Variants in FYN observed in about 807,000 individuals in gnomAD.
FYN encodes the protein FYN proto-oncogene, Src family tyrosine kinase.
In FYN, 10 loss-of-function variants were observed where a neutral mutation model predicts 70.2. That is an observed-to-expected ratio of 0.14 (90% CI 0.09 to 0.24). The LOEUF (loss-of-function observed/expected upper bound fraction) is 0.24, where lower values mean the gene tolerates loss of function less well. FYN is among the 10% of genes least tolerant of loss of function. The probability of loss-of-function intolerance (pLI) is 1.00; values close to 1 mark genes in which losing one functional copy is unlikely to be tolerated. For missense variants in FYN, 319 were observed against 673.1 expected, an observed-to-expected ratio of 0.47 and a Z score of 5.82; for synonymous variants, 236 against 248.6, an observed-to-expected ratio of 0.95 and a Z score of 0.48.
At chr6:111,699,757 C>A in intron 9 of FYN, 2 of 1,272,064 alleles carry the variant, frequency 1.6e-6, no homozygotes, top group South Asian at 1.5e-5. Context: ...GTGACTTGCC[C>A]GTTAGGATGA....
intron 1 of FYN, among the ~76,000 whole-genome samples, chr6:111,855,212 C>A (rs1275329920): frequency 6.6e-6 from 1 of 152,030 alleles, no homozygotes; most frequent in Admixed American, 6.6e-5. Context: ...TCATTTATCT[C>A]ATGGGATCAA....
chr6:111,668,041 C>T (rs1798089801), intron 13 of FYN, among the ~76,000 whole-genome samples: 1 of 152,362 alleles, frequency 6.6e-6, no homozygotes, highest in East Asian at 1.9e-4. Context: ...GTCTGAGGCT[C>T]CCCTTGCTTC....
chr6:111,782,490 A>G (rs1771212424), intron 2 of FYN, among the ~76,000 whole-genome samples: 1 of 152,218 alleles, frequency 6.6e-6, no homozygotes, highest in Non-Finnish European at 1.5e-5. Context: ...TTTAGACTAT[A>G]AATTACTGAA....
At position 111,687,605 on chromosome 6, in the gene FYN, G is replaced by GGTGGGT. The variant is rs767398366; in HGVS notation, c.1273+6769_1273+6770insACCCAC. 4.6e-3 allele frequency among the ~76,000 whole-genome samples: 658 copies of GGTGGGT among 143,380 alleles called. 1 individual carries two copies. Among genetic ancestry groups the GGTGGGT allele is most frequent in the African/African-American group, 8.8e-3 (327 of 37,322 alleles). 94.1% of individuals were successfully genotyped at this position (143,380 alleles called of 152,430 possible). On this transcript the variant is annotated intron_variant, in intron 12 of 13. Coordinates refer to ENST00000354650, the MANE Select transcript of FYN (RefSeq NM_002037.5). ...AGGAAAACCCAAAGTGGGGTGGGTGGGTGTGTGTGTGTGTGTGTGTGTGTG... is the reference window on the plus strand; with the variant it reads ...AGGAAAACCCAAAGTGGGGTGGGTGGGTGGGTGTGTGTGTGTGTGTGTGTGTGTGTG...
At chr6:111,785,221 T>C (rs1429761800) in intron 2 of FYN, among the ~76,000 whole-genome samples, 2 of 152,222 alleles carry the variant, frequency 1.3e-5, no homozygotes, top group African/African-American at 4.8e-5. Flanking sequence ...AATTCCACTG[T>C]CCCAACTGTC....
chr6:111,700,527 G>T (rs1033485899), intron 8 of FYN, among the ~76,000 whole-genome samples: 2 of 152,154 alleles, frequency 1.3e-5, no homozygotes, highest in Non-Finnish European at 2.9e-5. Context: ...GTAGAAGAGA[G>T]GACGTTTTAA....
At chr6:111,830,976 A>C (rs1772998664) in intron 2 of FYN, among the ~76,000 whole-genome samples, 1 of 152,096 alleles carries the variant, frequency 6.6e-6, no homozygotes, top group Non-Finnish European at 1.5e-5. Context: ...GCAAAACAGA[A>C]GGGGGGCTAT....
chr6:111,867,525 GC>G (rs914478934), intron 1 of FYN, among the ~76,000 whole-genome samples: 1 of 148,466 alleles, frequency 6.7e-6, no homozygotes, highest in African/African-American at 2.5e-5. Context: ...CTATTTACCT[GC>G]CTATGAGCTA....
intron 2 of FYN, among the ~76,000 whole-genome samples, chr6:111,825,510 C>T (rs1021404033): frequency 6.6e-6 from 1 of 152,188 alleles, no homozygotes; most frequent in African/African-American, 2.4e-5. Context: ...CAATACCTAC[C>T]ACACAGGATT....
chr6:111,872,251 G>GAGCCC (rs913330151), intron 1 of FYN, among the ~76,000 whole-genome samples: 31 of 152,064 alleles, frequency 2.0e-4, no homozygotes, highest in African/African-American at 7.5e-4. Flanking sequence ...CAGAGGGGAG[G>GAGCCC]AGCCCAAACA....
Position 111,795,776 on chromosome 6 carries a change from T to C in FYN, c.-81-15141A>G, listed in dbSNP as rs77591130. 5.5e-3 allele frequency among the ~76,000 whole-genome samples: 831 copies of C among 152,298 alleles called. 7 individuals carry two copies. Among genetic ancestry groups the C allele is most frequent in the Non-Finnish European group, 9.0e-3 (610 of 68,018 alleles). ...CACAGTAACCCTACGCAATAGGTCTTCACCTGATAAAGAAACTAAAGCATT... is the reference window on the plus strand; with the variant it reads ...CACAGTAACCCTACGCAATAGGTCTCCACCTGATAAAGAAACTAAAGCATT... On this transcript the variant is annotated intron_variant, in intron 2 of 13. Transcript: ENST00000354650.
intron 2 of FYN, among the ~76,000 whole-genome samples, chr6:111,842,165 G>A (rs1274030966): frequency 2.0e-5 from 3 of 152,166 alleles, no homozygotes; most frequent in African/African-American, 7.2e-5. Flanking sequence ...CTGATCACCA[G>A]CAGAATGGGT....
chr6:111,843,241 C>T (rs188436620), intron 2 of FYN, among the ~76,000 whole-genome samples: 1 of 152,280 alleles, frequency 6.6e-6, no homozygotes, highest in Admixed American at 6.5e-5. Flanking sequence ...TCTCCTCAGC[C>T]CTTTGAGAGT....
In FYN at chr6:111,676,019, G is replaced by A. The variant is rs1417308193; in HGVS notation, c.1274-1389C>T. Among the ~76,000 whole-genome samples the A allele has an allele frequency of 2.0e-5, 3 of 151,982 alleles. No individual in the cohort carries two copies. The East Asian group carries it at 5.8e-4, about 29-fold the overall frequency. On this transcript the variant is annotated intron_variant, in intron 12 of 13. Transcript: ENST00000354650. ...TGTTCATTCTGCTTAAGGAGCTCCT[G>A]AAAATCATACAAAGGCTGACAAAAT...
At chr6:111,696,762 A>C in intron 9 of FYN, 1 of 244,212 alleles carries the variant, frequency 4.1e-6, no homozygotes, top group Non-Finnish European at 7.9e-6. Flanking sequence ...TTTATACCAA[A>C]AGCTCTGCAC....
At chr6:111,822,496 G>A (rs1419800093) in intron 2 of FYN, among the ~76,000 whole-genome samples, 1 of 151,090 alleles carries the variant, frequency 6.6e-6, no homozygotes, top group Non-Finnish European at 1.5e-5. Context: ...GGGGGGAGCG[G>A]GGAGGGAAAG....
Position 111,674,563 on chromosome 6 carries a change from A to T in FYN, c.1341T>A (p.Ser447=). 1 of 1,614,098 alleles carries T rather than the reference A, an allele frequency of 6.2e-7. No homozygotes were observed. Residue 447 remains serine, a synonymous_variant, in exon 13 of 14, where the codon TCT becomes TCA. Transcript: ENST00000354650. ...GTAAGATTCCAAAAGACCACACGTC[A>T]GACTTGATTGTGAACCTCCCGTACA... ...AALYGRFTIK[S]DVWSFGILLT...
chr6:111,674,777 G>C (rs576515269), intron 12 of FYN, 147 bp from the exon 13 acceptor site: 149 of 822,486 alleles, frequency 1.8e-4, no homozygotes, highest in Admixed American at 2.7e-4. Context: ...AATGGGCTGG[G>C]ATTGGGAAGA....
intron 2 of FYN, among the ~76,000 whole-genome samples, chr6:111,796,545 A>G (rs1040381286): frequency 1.3e-5 from 2 of 152,210 alleles, no homozygotes; most frequent in Non-Finnish European, 2.9e-5. Flanking sequence ...CTCAGAATGT[A>G]TCCCTGTCCT....
Sources: allele counts gnomAD v4.1 joint callset (sites outside exome capture counted in the v4.1 genomes callset), GRCh38; gene constraint gnomAD v4.1.1; transcripts MANE v1.5; gene names NCBI Gene and HGNC (gene_info 2026-07-23, HGNC 2026-07-21).